Variants in SLCO1A2 observed in about 807,000 individuals in gnomAD.
SLCO1A2 encodes OATP-1.
A neutral mutation model predicts 69.0 loss-of-function variants in SLCO1A2; 67 were observed. The ratio of observed to expected loss-of-function variants is 0.97; its 90% CI spans 0.80 to 1.19. SLCO1A2 has a LOEUF of 1.19. Ranked by LOEUF, SLCO1A2 falls within the 50% of genes most tolerant of loss-of-function variation. The pLI is 0.00. For synonymous variants in SLCO1A2, 260 were observed against 265.9 expected (o/e 0.98, Z 0.22); for missense variants, 787 against 793.7 (o/e 0.99, Z 0.10).
intron 11 of SLCO1A2, among the ~76,000 whole-genome samples, chr12:21,292,623 ACT>A (rs1239563035): frequency 1.3e-5 from 2 of 151,870 alleles, no homozygotes; most frequent in African/African-American, 4.8e-5. Context: ...TGAAACAGAG[ACT>A]CACCCTGTCG....
intron 1 of SLCO1A2, among the ~76,000 whole-genome samples, chr12:21,394,639 C>A (rs1289422663): frequency 6.6e-6 from 1 of 151,310 alleles, no homozygotes; most frequent in African/African-American, 2.4e-5. Flanking sequence ...GCAGTTAGAG[C>A]AAGCTATTCC....
At chr12:21,323,753 A>C (rs75338270) in intron 2 of SLCO1A2, among the ~76,000 whole-genome samples, 414 of 152,264 alleles carry the variant, frequency 2.7e-3, no homozygotes, top group African/African-American at 9.5e-3. Context: ...CTGGATGAAA[A>C]GATGCCTCAT....
intron 1 of SLCO1A2, among the ~76,000 whole-genome samples, chr12:21,385,957 G>A (rs1940856857): frequency 6.6e-6 from 1 of 152,168 alleles, no homozygotes; most frequent in African/African-American, 2.4e-5. Flanking sequence ...CCAAGCCCTT[G>A]GAGTACCCAG....
intron 2 of SLCO1A2, among the ~76,000 whole-genome samples, chr12:21,349,904 G>T (rs1185057851): frequency 6.6e-6 from 1 of 152,104 alleles, no homozygotes; most frequent in African/African-American, 2.4e-5. Context: ...CTTGTTTAAA[G>T]TTGTTAGACT....
intron 2 of SLCO1A2, chr12:21,373,377 T>C: frequency 6.2e-7 from 1 of 1,613,576 alleles, no homozygotes; most frequent in South Asian, 1.1e-5. Context: ...CTGCAAGTAT[T>C]TCTCATTGTG....
In SLCO1A2 at chr12:21,377,182, G is replaced by T. The variant is rs938824810; in HGVS notation, c.-189-2657C>A. Among the ~76,000 whole-genome samples, 11 of 152,164 alleles carry T rather than the reference G, an allele frequency of 7.2e-5. No individual in the cohort carries two copies. In the East Asian group the frequency reaches 2.1e-3, roughly 29 times the overall value. On this transcript the variant is annotated intron_variant, in intron 1 of 15. Transcript: ENST00000307378. ...AATATTAATACCATTGACATAAAAAGTCTTTTGGTTTTAACATTTAACCTA... is the reference window on the plus strand; with the variant it reads ...AATATTAATACCATTGACATAAAAATTCTTTTGGTTTTAACATTTAACCTA...
intron 5 of SLCO1A2, 23 bp downstream of exon 5, chr12:21,306,859 A>G (rs2136539083): frequency 1.3e-6 from 2 of 1,560,300 alleles, no homozygotes; most frequent in Admixed American, 1.7e-5. Flanking sequence ...CTGAACAAAA[A>G]TCAATACAAT....
intron 1 of SLCO1A2, among the ~76,000 whole-genome samples, chr12:21,404,782 T>A (rs1182532650): frequency 6.6e-6 from 1 of 152,222 alleles, no homozygotes; most frequent in Non-Finnish European, 1.5e-5. Flanking sequence ...AAATAGTATT[T>A]CTGGTTCTAG....
intron 1 of SLCO1A2, among the ~76,000 whole-genome samples, chr12:21,416,742 G>T (rs940359737): frequency 6.6e-6 from 1 of 151,934 alleles, no homozygotes; most frequent in African/African-American, 2.4e-5. Flanking sequence ...TTATTTGGCT[G>T]AGCATCCTCA....
At chr12:21,346,781 T>A (rs1029241998) in intron 2 of SLCO1A2, among the ~76,000 whole-genome samples, 9 of 152,222 alleles carry the variant, frequency 5.9e-5, no homozygotes, top group African/African-American at 2.2e-4. Flanking sequence ...ACACTTCCCA[T>A]GTACTTCATT....
intron 4 of SLCO1A2, among the ~76,000 whole-genome samples, chr12:21,312,036 AGAG>A (rs1391171861): frequency 6.9e-6 from 1 of 145,702 alleles, no homozygotes; most frequent in African/African-American, 2.6e-5. Context: ...GAGAAGAAGA[AGAG>A]GAAGAAGAAG....
chr12:21,346,238 T>C (rs1279626064), intron 2 of SLCO1A2, among the ~76,000 whole-genome samples: 2 of 152,166 alleles, frequency 1.3e-5, no homozygotes, highest in East Asian at 3.8e-4. Context: ...ATTATGCAGA[T>C]TAATCCGTAA....
intron 12 of SLCO1A2, among the ~76,000 whole-genome samples, chr12:21,284,220 G>A (rs1446485156): frequency 6.6e-6 from 1 of 152,132 alleles, no homozygotes; most frequent in Non-Finnish European, 1.5e-5. Flanking sequence ...TATACAGGAT[G>A]GAGTAATATT....
At chr12:21,321,159 C>T (rs1396521467) in intron 2 of SLCO1A2, among the ~76,000 whole-genome samples, 2 of 152,196 alleles carry the variant, frequency 1.3e-5, no homozygotes, top group Non-Finnish European at 2.9e-5. Flanking sequence ...CTATTGATCT[C>T]TCTTTTCTTC....
At chr12:21,390,310 T>C (rs531061851) in intron 1 of SLCO1A2, among the ~76,000 whole-genome samples, 1 of 152,140 alleles carries the variant, frequency 6.6e-6, no homozygotes, top group African/African-American at 2.4e-5. Context: ...TTGCATACTT[T>C]ATTTTACTCA....
At chr12:21,378,795 G>A (rs1940393298) in intron 1 of SLCO1A2, 1 of 189,680 alleles carries the variant, frequency 5.3e-6, no homozygotes, top group Admixed American at 5.5e-5. Context: ...TCAGTAATTG[G>A]ACCAGGCGCG....
chr12:21,274,649 A>G (rs1943470096), intron 13 of SLCO1A2, 63 bp from the exon 14 acceptor site: 4 of 1,113,638 alleles, frequency 3.6e-6, no homozygotes, highest in Non-Finnish European at 5.4e-6. Flanking sequence ...TTATTTGGAA[A>G]TATTTCAATT....
At chr12:21,408,658 C>T (rs1198349391) in intron 1 of SLCO1A2, among the ~76,000 whole-genome samples, 1 of 151,876 alleles carries the variant, frequency 6.6e-6, no homozygotes, top group Non-Finnish European at 1.5e-5. Flanking sequence ...AAGTTCTAGG[C>T]AAGCATATAC....
chr12:21,413,054 T>A (rs1380146822), intron 1 of SLCO1A2, among the ~76,000 whole-genome samples: 1 of 152,100 alleles, frequency 6.6e-6, no homozygotes, highest in Non-Finnish European at 1.5e-5. Flanking sequence ...CAATAAATGA[T>A]GTTCCAGAAA....
Sources: gnomAD v4.1 joint callset for allele counts (sites outside exome capture counted in the v4.1 genomes callset) on GRCh38, gnomAD v4.1.1 for gene constraint, MANE v1.5 for transcripts, NCBI Gene and HGNC (gene_info 2026-07-23, HGNC 2026-07-21) for gene names.